CCDC102B: variants seen among roughly 807,000 people sequenced by gnomAD.
The protein encoded by CCDC102B is coiled-coil domain containing 102B, also known as coiled-coil domain-containing protein 102B.
CCDC102B carries 75 observed loss-of-function variants against 57.4 expected under a neutral mutation model. That is an observed-to-expected ratio of 1.31 (90% confidence interval 1.08 to 1.58). The LOEUF (loss-of-function observed/expected upper bound fraction) is 1.58. Ranked by LOEUF, CCDC102B falls within the 40% of genes most tolerant of loss-of-function variation. The pLI, the probability that CCDC102B is intolerant of heterozygous loss-of-function variation, is 0.00. For missense variants in CCDC102B, 636 were observed against 582.6 expected (o/e 1.09, Z -0.94); for synonymous variants, 206 against 201.9 (o/e 1.02, Z -0.17).
At chr18:68,897,141 G>T in intron 5 of CCDC102B, 78 bp from the exon 6 acceptor site, 2 of 1,031,970 alleles carry the variant, frequency 1.9e-6, no homozygotes, top group Non-Finnish European at 2.9e-6. Flanking sequence ...TTTCTTAATG[G>T]GAGTCTGGTT....
At chr18:68,921,592 G>A (rs2041283992) in intron 6 of CCDC102B, among the ~76,000 whole-genome samples, 1 of 152,168 alleles carries the variant, frequency 6.6e-6, no homozygotes, top group African/African-American at 2.4e-5. Context: ...AATCGAGTTG[G>A]CAGTAGAATA....
chr18:68,769,521 C>T (rs556210297), intron 2 of CCDC102B, among the ~76,000 whole-genome samples: 24 of 152,220 alleles, frequency 1.6e-4, no homozygotes, highest in Middle Eastern at 3.4e-3. Context: ...TCCAACCCTA[C>T]GGTTCCTCCT....
intron 5 of CCDC102B, among the ~76,000 whole-genome samples, chr18:68,876,527 T>G (rs1324522177): frequency 1.3e-5 from 2 of 152,234 alleles, no homozygotes; most frequent in East Asian, 3.8e-4. Context: ...ATTTAATTTT[T>G]AGAGATTGTC....
intron 7 of CCDC102B, among the ~76,000 whole-genome samples, chr18:69,012,553 G>A (rs964309807): frequency 1.6e-4 from 25 of 152,128 alleles, no homozygotes; most frequent in African/African-American, 6.0e-4. Context: ...TGCTTTGCCT[G>A]TACCTTATGT....
At chr18:68,977,556 T>TA (rs79692983) in intron 6 of CCDC102B, among the ~76,000 whole-genome samples, 1,393 of 139,230 alleles carry the variant, frequency 0.01, 11 homozygotes, top group East Asian at 0.021. Context: ...ACTATAGCAC[T>TA]AAAAAAAAAA....
intron 2 of CCDC102B, 34 bp from the exon 3 acceptor site, chr18:68,838,672 G>A (rs1227064095): frequency 6.3e-7 from 1 of 1,597,124 alleles, no homozygotes; most frequent in Non-Finnish European, 8.5e-7. Context: ...TTCTCCAGGA[G>A]GTTTAAATAT....
At chr18:68,749,153 G>A (rs2033745066) in intron 2 of CCDC102B, among the ~76,000 whole-genome samples, 1 of 152,168 alleles carries the variant, frequency 6.6e-6, no homozygotes, top group African/African-American at 2.4e-5. Context: ...TTTGGTACCA[G>A]TACCATGCTG....
chr18:68,844,254 G>A (rs1371510883), intron 3 of CCDC102B, among the ~76,000 whole-genome samples: 1 of 151,632 alleles, frequency 6.6e-6, no homozygotes, highest in African/African-American at 2.4e-5. Context: ...CAACATGTAT[G>A]ATTTTAACTC....
At chr18:69,012,706 C>G (rs755821058) in intron 7 of CCDC102B, among the ~76,000 whole-genome samples, 2 of 152,034 alleles carry the variant, frequency 1.3e-5, no homozygotes, top group Non-Finnish European at 2.9e-5. Flanking sequence ...GCATGATTCT[C>G]TCAGCGATCC....
intron 6 of CCDC102B, among the ~76,000 whole-genome samples, chr18:68,961,648 T>C (rs767155370): frequency 6.6e-6 from 1 of 152,070 alleles, no homozygotes; most frequent in Non-Finnish European, 1.5e-5. Context: ...AAAATTGTTA[T>C]TTGAAATGAA....
intron 6 of CCDC102B, among the ~76,000 whole-genome samples, chr18:68,898,106 T>A (rs1161361672): frequency 6.6e-6 from 1 of 152,110 alleles, no homozygotes; most frequent in Non-Finnish European, 1.5e-5. Flanking sequence ...TTAATGGCAG[T>A]CTTATAGTTT....
At chr18:68,997,592 GT>G (rs2051065240) in intron 6 of CCDC102B, among the ~76,000 whole-genome samples, 1 of 151,948 alleles carries the variant, frequency 6.6e-6, no homozygotes, top group Non-Finnish European at 1.5e-5. Flanking sequence ...GTGTATGTCT[GT>G]TAATCCTTCT....
Position 68,750,835 on chromosome 18 carries a change from A to G in CCDC102B, c.-67+34241A>G, listed in dbSNP as rs1158725339. On this transcript the variant is annotated intron_variant, in intron 2 of 3. Transcript: ENST00000578970. ...GAGGGGGGAGGGATAGCATTAGAAG[A>G]TATACCTAATGTAAATGATGGGTTA... 2.0e-5 allele frequency among the ~76,000 whole-genome samples: 3 copies of G among 151,482 alleles called. No homozygotes were observed. The East Asian group carries it at 5.8e-4, about 29-fold the overall frequency.
chr18:68,736,630 C>A (rs1256082484), intron 2 of CCDC102B, among the ~76,000 whole-genome samples: 1 of 151,982 alleles, frequency 6.6e-6, no homozygotes, highest in Non-Finnish European at 1.5e-5. Flanking sequence ...TACATCAGAT[C>A]CAGTTATTTA....
At chr18:68,849,067 T>A (rs1415553545) in intron 4 of CCDC102B, among the ~76,000 whole-genome samples, 1 of 152,126 alleles carries the variant, frequency 6.6e-6, no homozygotes, top group African/African-American at 2.4e-5. Context: ...TAAATATTTA[T>A]AAATACTTTC....
chr18:68,921,517 T>C (rs759172643), intron 6 of CCDC102B, among the ~76,000 whole-genome samples: 12 of 152,202 alleles, frequency 7.9e-5, no homozygotes, highest in Non-Finnish European at 1.3e-4. Context: ...ATATATAGAT[T>C]ACCCTACATT....
Position 69,038,987 on chromosome 18 carries a change from A to C in CCDC102B, c.1435-15043A>C. Among the ~76,000 whole-genome samples the C allele has an allele frequency of 1.3e-5, 2 of 151,998 alleles. 1 individual carries two copies. Among genetic ancestry groups the C allele is most frequent in the African/African-American group, 4.8e-5 (2 of 41,430 alleles). ...TTTCCTTTCATCAGTTGCTCTTGTC[A>C]TTAGCAAAGCCCTCGCATATTTTTA... is the stretch of plus-strand genomic sequence containing the variant. On this transcript the variant is annotated intron_variant, in intron 7 of 7. Coordinates refer to ENST00000360242, the MANE Select transcript of CCDC102B (RefSeq NM_024781.3).
chr18:68,941,346 T>C (rs1231726766), intron 6 of CCDC102B, among the ~76,000 whole-genome samples: 1 of 151,982 alleles, frequency 6.6e-6, no homozygotes, highest in Non-Finnish European at 1.5e-5. Flanking sequence ...GGGGATATTA[T>C]TAAGTTGGAG....
chr18:69,027,091 C>T (rs1568134214), intron 7 of CCDC102B, among the ~76,000 whole-genome samples: 2 of 152,274 alleles, frequency 1.3e-5, no homozygotes, highest in Non-Finnish European at 2.9e-5. Flanking sequence ...GGAGCTAATA[C>T]AGTTTAAAGC....
Sources: allele counts gnomAD v4.1 joint callset (sites outside exome capture counted in the v4.1 genomes callset), GRCh38; gene constraint gnomAD v4.1.1; transcripts MANE v1.5; gene names NCBI Gene and HGNC (gene_info 2026-07-23, HGNC 2026-07-21).